Variants in MSANTD1 observed in about 807,000 individuals in gnomAD.
MSANTD1 encodes Myb/SANT DNA binding domain containing 1.
Under a neutral mutation model 24.2 loss-of-function variants are expected in MSANTD1, and 7 were observed. The ratio of observed to expected loss-of-function variants is 0.29; its 90% confidence interval spans 0.16 to 0.54. The LOEUF (loss-of-function observed/expected upper bound fraction) is 0.54, where lower values mean the gene tolerates loss of function less well. MSANTD1 is among the 20% of genes least tolerant of loss of function. MSANTD1 has a pLI of 0.94. For synonymous variants in MSANTD1, 177 were observed against 181.1 expected, an observed-to-expected ratio of 0.98 and a Z score of 0.18; for missense variants, 384 against 408.2, an observed-to-expected ratio of 0.94 and a Z score of 0.51.
In MSANTD1 at chr4:3,249,517, A is replaced by G. The variant is rs1245620377; in HGVS notation, c.295A>G (p.Ile99Val). The change falls in exon 1 of 3, where the codon ATC (isoleucine) becomes GTC (valine). Residue 99 changes from isoleucine to valine, a missense_variant. Transcript: ENST00000438480. ...RRLGEEIKIK[I>V]TNMTFQYRKL... is the part of the protein sequence containing the mutation. ...GCTGGGCGAGGAGATCAAGATCAAG[A>G]TCACCAACATGACCTTCCAGTACAG... 1.2e-6 allele frequency: 2 copies of G among 1,611,636 alleles called. No homozygotes were observed. Among genetic ancestry groups the G allele is most frequent in the African/African-American group, 2.7e-5 (2 of 75,026 alleles).
chr4:3,253,629 G>A, intron 2 of MSANTD1, 147 bp downstream of exon 2: 2 of 810,690 alleles, frequency 2.5e-6, no homozygotes, highest in Non-Finnish European at 3.6e-6. Context: ...GGGACAGGCG[G>A]CCTCAGACCA....
intron 2 of MSANTD1, among the ~76,000 whole-genome samples, chr4:3,254,964 A>C (rs1213119507): frequency 6.6e-6 from 1 of 151,858 alleles, no homozygotes; most frequent in Non-Finnish European, 1.5e-5. Context: ...GGTCCTGAGT[A>C]CTCTGCACTA....
chr4:3,256,097 G>A lies in MSANTD1; in HGVS notation c.*132G>A. 2 of 1,157,288 alleles carry A rather than the reference G, an allele frequency of 1.7e-6. No homozygotes were observed. The highest frequency in any genetic ancestry group is 2.3e-6 in the Non-Finnish European group (2 of 867,220). The allele number at this position is 1,157,288 out of a possible 1,614,324, so 71.7% of individuals were successfully genotyped here. On this transcript the variant is annotated 3_prime_UTR_variant, in exon 3 of 3. Coordinates refer to ENST00000438480, the MANE Select transcript of MSANTD1 (RefSeq NM_001042690.2). ...GAGACCGCCTTCCACCTGGCCTCTGGCAGGATGTCCCTTCTGAGGGGTATT... is the reference window on the plus strand; with the variant it reads ...GAGACCGCCTTCCACCTGGCCTCTGACAGGATGTCCCTTCTGAGGGGTATT...
upstream of MSANTD1, chr4:3,246,444 T>C: frequency 7.1e-6 from 3 of 425,302 alleles, no homozygotes; most frequent in Non-Finnish European, 1.2e-5. Context: ...AGGATGAGAG[T>C]CTAGTTGGGC....
intron 2 of MSANTD1, 65 bp downstream of exon 2, chr4:3,253,547 G>A (rs1284118729): frequency 2.1e-6 from 3 of 1,418,530 alleles, no homozygotes; most frequent in East Asian, 2.7e-5. Context: ...TAGAGAAAGG[G>A]ACTGGGAGTG....
chr4:3,250,363 G>C (rs2110319557), intron 1 of MSANTD1, among the ~76,000 whole-genome samples: 1 of 152,332 alleles, frequency 6.6e-6, no homozygotes. Context: ...CGTCTAGGAG[G>C]GGACAGGTGT....
chr4:3,246,595 G>A (rs1012992045), upstream of MSANTD1: 3 of 669,092 alleles, frequency 4.5e-6, no homozygotes, highest in East Asian at 5.6e-5. Flanking sequence ...CTCAGGTGCT[G>A]CTGGTTGACC....
At chr4:3,249,030 C>T, upstream of MSANTD1, 2 of 498,976 alleles carry the variant, frequency 4.0e-6, no homozygotes, top group Non-Finnish European at 6.6e-6. Context: ...TCAGTGCAGC[C>T]CTGATTCCTG....
At chr4:3,253,874 C>T (rs1178568044) in intron 2 of MSANTD1, among the ~76,000 whole-genome samples, 2 of 152,354 alleles carry the variant, frequency 1.3e-5, no homozygotes, top group African/African-American at 2.4e-5. Flanking sequence ...CCCCTGGCCT[C>T]CCTTAGCCCA....
At chr4:3,247,189 G>C (rs916879171), upstream of MSANTD1, among the ~76,000 whole-genome samples, 2 of 152,164 alleles carry the variant, frequency 1.3e-5, no homozygotes, top group African/African-American at 4.8e-5. Flanking sequence ...TGCCCCCTTA[G>C]CCAGCACCAT....
upstream of MSANTD1, among the ~76,000 whole-genome samples, chr4:3,247,046 A>G (rs1722051243): frequency 6.6e-6 from 1 of 152,072 alleles, no homozygotes; most frequent in Non-Finnish European, 1.5e-5. Context: ...GGTGGTGTCC[A>G]CTGGCCAGCA....
intron 2 of MSANTD1, 49 bp downstream of exon 2, chr4:3,253,531 A>C (rs2798227): frequency 3.6e-5 from 51 of 1,436,192 alleles, no homozygotes; most frequent in Non-Finnish European, 4.2e-5. Context: ...CTCAGCCCCC[A>C]CCATTTAGAG....
intron 2 of MSANTD1, among the ~76,000 whole-genome samples, 164 bp from the exon 3 acceptor site, chr4:3,255,561 C>A (rs558764699): frequency 6.6e-6 from 1 of 152,310 alleles, no homozygotes. Context: ...TGGGTTCTGG[C>A]CCCTCCTTTG....
Position 3,249,535 on chromosome 4 carries a change from C to T in MSANTD1, c.313C>T (p.Gln105Ter). The T allele has an allele frequency of 6.2e-7, 1 of 1,609,274 alleles. No individual in the cohort carries two copies. The change falls in exon 1 of 3, where the codon CAG becomes TAG. Residue 105 changes from glutamine (Q) to a stop codon, truncating the protein, a stop_gained. Transcript: ENST00000438480. LOFTEE classifies it high-confidence loss of function. ...GATCAAGATCACCAACATGACCTTC[C>T]AGTACAGGTGGGCGAGCGGGCAGTG... The part of the protein sequence containing the change: ...IKIKITNMTF[Q>*]YRKLKCMTDS...
chr4:3,248,914 G>A (rs369935466), upstream of MSANTD1: 21 of 307,012 alleles, frequency 6.8e-5, no homozygotes, highest in Middle Eastern at 8.9e-4. Context: ...GAGCCGGGGC[G>A]GCACTGAACT....
chr4:3,252,827 C>G (rs562129001), intron 1 of MSANTD1, among the ~76,000 whole-genome samples: 1 of 152,180 alleles, frequency 6.6e-6, no homozygotes, highest in Non-Finnish European at 1.5e-5. Flanking sequence ...TACAATAAAA[C>G]CTTATTACTC....
In MSANTD1 at chr4:3,255,751, G is replaced by T. The variant is rs376149004; in HGVS notation, c.623G>T (p.Arg208Leu). Residue 208 changes from arginine (R) to leucine (L), a missense_variant, in exon 3 of 3, where the codon CGC (arginine) becomes CTC (leucine). Arg to Leu is a moderately radical substitution (Grantham distance 102). Transcript: ENST00000438480. ...TCGGAGGAGCGGCCGGTGAAGAAGC[G>T]CAAGGTGCAGAGCTGCCACCTGCAG... ...FRSEERPVKK[R>L]KVQSCHLQKK... 2.6e-6 allele frequency: 4 copies of T among 1,544,658 alleles called. No homozygotes were observed. The highest frequency in any genetic ancestry group is 3.9e-5 in the Admixed American group (2 of 50,842).
upstream of MSANTD1, among the ~76,000 whole-genome samples, chr4:3,246,408 A>G (rs1722029562): frequency 6.6e-6 from 1 of 152,172 alleles, no homozygotes; most frequent in South Asian, 2.1e-4. Flanking sequence ...CAGGCAGGGC[A>G]GAAAATCCAC....
At position 3,253,354 on chromosome 4, in the gene MSANTD1, C is replaced by T. The variant is rs145484436; in HGVS notation, c.468C>T (p.Thr156=). The T allele has an allele frequency of 7.0e-5, 112 of 1,611,288 alleles. No homozygotes were observed. In the African/African-American group the frequency reaches 8.4e-4, roughly 12 times the overall value. ...SQPPGPSTSQ[T]EASLSPPAKS... Reference sequence around the variant, plus strand: ...CGCCGGGGCCCTCCACGTCCCAGACCGAGGCGTCCCTGTCGCCGCCCGCTA... The same window carrying T: ...CGCCGGGGCCCTCCACGTCCCAGACTGAGGCGTCCCTGTCGCCGCCCGCTA... Residue 156 remains threonine, a synonymous_variant, in exon 2 of 3, where the codon ACC becomes ACT. Coordinates refer to ENST00000438480, the MANE Select transcript of MSANTD1 (RefSeq NM_001042690.2).
Sources: allele counts gnomAD v4.1 joint callset (sites outside exome capture counted in the v4.1 genomes callset), GRCh38; gene constraint gnomAD v4.1.1; transcripts MANE v1.5; gene names NCBI Gene and HGNC (gene_info 2026-07-23, HGNC 2026-07-21).